The following IRGM variants were observed in gnomAD, a reference collection of about 807,000 sequenced individuals.
IRGM encodes the protein immunity-related GTPase family M protein.
For missense variants in IRGM, 288 were observed against 219.9 expected (o/e 1.31, Z -1.96); for synonymous variants, 98 against 80.6 (o/e 1.22, Z -1.16).
Position 150,848,543 on chromosome 5 carries a change from G to GTTC in IRGM, c.422_424dup (p.Phe141dup). ...AAACCGCTGAGGACATGGGAAAGAA[G>GTTC]TTCTACATTGTCTGGACCAAGCTAG... On this transcript the variant is annotated inframe_insertion, in exon 2 of 2. Transcript: ENST00000522154. The GTTC allele has an allele frequency of 6.4e-7, 1 of 1,551,848 alleles. No homozygotes were observed. Among genetic ancestry groups the GTTC allele is most frequent in the Non-Finnish European group, 8.7e-7 (1 of 1,146,978 alleles).
chr5:150,884,097 T>C (rs1481567314), intron 3 of IRGM, among the ~76,000 whole-genome samples: 1 of 151,926 alleles, frequency 6.6e-6, no homozygotes, highest in Non-Finnish European at 1.5e-5. Flanking sequence ...CACAAATCTA[T>C]AAATCTATAA....
chr5:150,881,041 C>T (rs917823471), intron 3 of IRGM, among the ~76,000 whole-genome samples: 2 of 151,798 alleles, frequency 1.3e-5, no homozygotes, highest in Admixed American at 6.6e-5. Flanking sequence ...GCAGGAGAAT[C>T]GCTTGAACCT....
At chr5:150,901,277 G>T (rs1199389898), downstream of IRGM, among the ~76,000 whole-genome samples, 1 of 151,984 alleles carries the variant, frequency 6.6e-6, no homozygotes, top group East Asian at 1.9e-4. Context: ...ACATTTTCTA[G>T]GAACCACATT....
chr5:150,869,888 A>G (rs193112967), intron 1 of IRGM, among the ~76,000 whole-genome samples: 3 of 152,168 alleles, frequency 2.0e-5, no homozygotes, highest in Admixed American at 2.0e-4. Context: ...ATTGCTCTCA[A>G]TTTGTCTCAT....
intron 1 of IRGM, among the ~76,000 whole-genome samples, chr5:150,858,467 T>G (rs1478265382): frequency 2.0e-5 from 3 of 152,212 alleles, no homozygotes; most frequent in African/African-American, 4.8e-5. Flanking sequence ...GCGAAGAAAG[T>G]CATTGGTAGC....
At chr5:150,901,031 T>C (rs1172171578), downstream of IRGM, among the ~76,000 whole-genome samples, 1 of 151,954 alleles carries the variant, frequency 6.6e-6, no homozygotes, top group Non-Finnish European at 1.5e-5. Flanking sequence ...TGCTATTAAG[T>C]GATGGAAGAA....
chr5:150,885,012 T>A (rs551539705), intron 3 of IRGM, among the ~76,000 whole-genome samples: 1 of 152,282 alleles, frequency 6.6e-6, no homozygotes, highest in Non-Finnish European at 1.5e-5. Context: ...CAGGATGGTA[T>A]TGCCTAGGTT....
Position 150,856,144 on chromosome 5 carries a change from G to T in IRGM, c.158+7490G>T, listed in dbSNP as rs184635476. ...AAATATGTGATTTAAAAAATAAAAT[G>T]TATCAAGGCTGGGGGTGGCGGCTCA... On this transcript the variant is annotated intron_variant and NMD_transcript_variant, in intron 1 of 3. Transcript: ENST00000520549. 9.8e-4 allele frequency among the ~76,000 whole-genome samples: 149 copies of T among 152,220 alleles called. 1 individual carries two copies. Among genetic ancestry groups the T allele is most frequent in the African/African-American group, 3.3e-3 (137 of 41,534 alleles).
At chr5:150,899,763 C>T (rs1754928478) in intron 3 of IRGM, among the ~76,000 whole-genome samples, 1 of 152,054 alleles carries the variant, frequency 6.6e-6, no homozygotes, top group Non-Finnish European at 1.5e-5. Flanking sequence ...CACCATTATC[C>T]TCACAATAGT....
chr5:150,896,170 C>T (rs867406447), intron 3 of IRGM: 2 of 1,613,430 alleles, frequency 1.2e-6, no homozygotes, highest in South Asian at 2.2e-5. Context: ...TTCCCGCATT[C>T]ACTACATTCA....
At chr5:150,890,469 T>C (rs1754592987) in intron 3 of IRGM, among the ~76,000 whole-genome samples, 1 of 151,996 alleles carries the variant, frequency 6.6e-6, no homozygotes, top group African/African-American at 2.4e-5. Flanking sequence ...TTTTTTTCTA[T>C]TTAATTTATG....
chr5:150,872,171 T>C (rs1031145848), intron 1 of IRGM, among the ~76,000 whole-genome samples: 1 of 152,122 alleles, frequency 6.6e-6, no homozygotes, highest in African/African-American at 2.4e-5. Context: ...AATAAAAAGG[T>C]TTTTGTGAAT....
intron 1 of IRGM, among the ~76,000 whole-genome samples, chr5:150,858,113 G>C (rs944727460): frequency 4.6e-5 from 7 of 152,264 alleles, no homozygotes; most frequent in African/African-American, 1.7e-4. Flanking sequence ...TAAGGTGTAA[G>C]GAAGGGATCC....
At chr5:150,887,310 C>T (rs1484300478) in intron 3 of IRGM, among the ~76,000 whole-genome samples, 1 of 151,892 alleles carries the variant, frequency 6.6e-6, no homozygotes, top group Non-Finnish European at 1.5e-5. Context: ...CAAGTAATAA[C>T]AACAGAATAG....
chr5:150,867,141 A>G (rs1376442552), intron 1 of IRGM, among the ~76,000 whole-genome samples: 1 of 152,108 alleles, frequency 6.6e-6, no homozygotes, highest in East Asian at 1.9e-4. Flanking sequence ...ACTGTACCCA[A>G]TGTGTAGTCA....
chr5:150,899,165 AT>A, intron 3 of IRGM, among the ~76,000 whole-genome samples: 1 of 152,228 alleles, frequency 6.6e-6, no homozygotes, highest in Non-Finnish European at 1.5e-5. Context: ...AACAACCTTG[AT>A]TTTGGACTTC....
At chr5:150,853,563 TAATA>T (rs2113254313), downstream of IRGM, among the ~76,000 whole-genome samples, 1 of 152,264 alleles carries the variant, frequency 6.6e-6, no homozygotes, top group African/African-American at 2.4e-5. Context: ...AATGCTTGGT[TAATA>T]TATTTTGGAG....
At chr5:150,866,061 A>G (rs1754204167) in intron 1 of IRGM, among the ~76,000 whole-genome samples, 1 of 152,140 alleles carries the variant, frequency 6.6e-6, no homozygotes, top group Non-Finnish European at 1.5e-5. Context: ...TCAGCCAAGG[A>G]TGTCTTTTTA....
At chr5:150,873,749 C>T (rs941661568) in intron 1 of IRGM, among the ~76,000 whole-genome samples, 2 of 152,172 alleles carry the variant, frequency 1.3e-5, no homozygotes, top group African/African-American at 4.8e-5. Context: ...CACAGTGGCT[C>T]CCTGACTGGT....
Sources: gnomAD v4.1 joint callset for allele counts (sites outside exome capture counted in the v4.1 genomes callset) on GRCh38, gnomAD v4.1.1 for gene constraint, MANE v1.5 for transcripts, NCBI Gene and HGNC (gene_info 2026-07-23, HGNC 2026-07-21) for gene names.